Variants in ST3GAL4 observed in about 807,000 individuals in gnomAD.
ST3GAL4 encodes CMP-N-acetylneuraminate-beta-galactosamide-alpha-2,3-sialyltransferase 4.
ST3GAL4 carries 24 observed loss-of-function variants against 42.6 expected under a neutral mutation model. That is an observed-to-expected ratio of 0.56 (90% CI 0.41 to 0.79). ST3GAL4 has a LOEUF of 0.79. Among genes scored for constraint, ST3GAL4 ranks in the 30% least tolerant of loss-of-function variants. The probability of loss-of-function intolerance (pLI) is 0.00; values close to 1 mark genes in which losing one functional copy is unlikely to be tolerated. For missense variants in ST3GAL4, 311 were observed against 430.8 expected (o/e 0.72, Z 2.46); for synonymous variants, 135 against 163.2 (o/e 0.83, Z 1.32).
intron 6 of ST3GAL4, 131 bp from the exon 7 acceptor site, chr11:126,407,968 A>G (rs567476213): frequency 9.7e-7 from 1 of 1,031,376 alleles, no homozygotes; most frequent in Non-Finnish European, 1.4e-6. Context: ...CCACGGGGTG[A>G]TGCCTGCTTC....
chr11:126,375,531 G>C lies in ST3GAL4; in HGVS notation c.-61+19689G>C, dbSNP rs75299683. 3.7e-4 allele frequency among the ~76,000 whole-genome samples: 57 copies of C among 152,246 alleles called. No homozygotes were observed. The East Asian group carries it at 0.01, about 28-fold the overall frequency. ...TTCCAGTGCCAGCTCCGCTCCTCAC[G>C]AGCTGTACAACCTGGGCCGGTTACT... On this transcript the variant is annotated intron_variant, in intron 1 of 10. Transcript: ENST00000444328.
rs1484967409 is a variant in ST3GAL4 at position 126,363,171 on chromosome 11, G to T, written c.-61+7329G>T. ...ATTGTCCTCACAGGCAGTGTGGGCC[G>T]TTTCTCTAGACCTCCTGCCCCCATC... On this transcript the variant is annotated intron_variant, in intron 1 of 10. Transcript: ENST00000444328. The surrounding 1 kb of genome is among the most constrained non-coding windows in gnomAD (Gnocchi z 4.6). Among the ~76,000 whole-genome samples, 1 of 152,194 alleles carries T rather than the reference G, an allele frequency of 6.6e-6. No homozygotes were observed. The highest frequency in any genetic ancestry group is 2.1e-4 in the South Asian group (1 of 4,834).
intron 1 of ST3GAL4, among the ~76,000 whole-genome samples, chr11:126,402,859 C>T (rs569052114): frequency 1.3e-5 from 2 of 152,316 alleles, no homozygotes; most frequent in African/African-American, 4.8e-5. Context: ...TGGTTCCTGG[C>T]AGAGCACCAA....
In ST3GAL4 at chr11:126,391,959, GTGTGTGTGTGTGTA is replaced by G. The variant is rs1467510570; in HGVS notation, c.-60-14127_-60-14114del. On this transcript the variant is annotated intron_variant, in intron 1 of 10. Transcript: ENST00000444328. The surrounding 1 kb of genome is among the most constrained non-coding windows in gnomAD (Gnocchi z 5.5). Reference sequence around the variant, plus strand: ...GTCGTGTGTGTGTGTGTGTGTGTGTGTGTGTGTGTGTGTATGTGTGTGTATGTGTATATATAAAA... The same window carrying G: ...GTCGTGTGTGTGTGTGTGTGTGTGTGTGTGTGTGTATGTGTATATATAAAA... Among the ~76,000 whole-genome samples, 29 of 140,082 alleles carry G rather than the reference GTGTGTGTGTGTGTA, an allele frequency of 2.1e-4. No individual in the cohort carries two copies. The highest frequency in any genetic ancestry group is 6.9e-4 in the African/African-American group (25 of 36,042). The allele number at this position is 140,082 out of a possible 152,430, so 91.9% of individuals were successfully genotyped here.
At chr11:126,365,518 T>TGTGCAGAGGTGG (rs1565393530) in intron 1 of ST3GAL4, among the ~76,000 whole-genome samples, 1 of 152,136 alleles carries the variant, frequency 6.6e-6, no homozygotes. Context: ...CTGGCTTCTG[T>TGTGCAGAGGTGG]GTGCAGAGGT....
chr11:126,365,876 C>T (rs1015025648), intron 1 of ST3GAL4, among the ~76,000 whole-genome samples: 2 of 152,170 alleles, frequency 1.3e-5, no homozygotes, highest in African/African-American at 4.8e-5. Flanking sequence ...AGGAAGTGCC[C>T]TCCATGGGGC....
At chr11:126,372,193 T>G (rs1041348443) in intron 1 of ST3GAL4, among the ~76,000 whole-genome samples, 4 of 152,184 alleles carry the variant, frequency 2.6e-5, no homozygotes, top group Non-Finnish European at 4.4e-5. Context: ...AACTGAAACA[T>G]CCTCCTGCTA....
At position 126,406,815 on chromosome 11, in the gene ST3GAL4, C is replaced by A; in HGVS notation, c.102-128C>A. On this transcript the variant is annotated intron_variant, in intron 3 of 10. Transcript: ENST00000444328. This position sits in a 1 kb window ranked among gnomAD's most constrained non-coding sequence, Gnocchi z 5.4. ...TCAAGGACTTGGGTTCCAAGTGGAA[C>A]TTAACTTGAGATGATTCCTCCCCGG... 2 of 1,023,008 alleles carry A rather than the reference C, an allele frequency of 2.0e-6. No homozygotes were observed. The highest frequency in any genetic ancestry group is 3.0e-6 in the Non-Finnish European group (2 of 676,124). 63.4% of individuals were successfully genotyped at this position (1,023,008 alleles called of 1,614,324 possible). A position where few individuals can be genotyped will look rare whatever the true frequency, so the allele number is the denominator to read the frequency against.
intron 1 of ST3GAL4, among the ~76,000 whole-genome samples, chr11:126,369,940 ATAT>A (rs1307048966): frequency 6.6e-6 from 1 of 152,198 alleles, no homozygotes; most frequent in Non-Finnish European, 1.5e-5. Flanking sequence ...TTACATCTTA[ATAT>A]TATGCTTTGG....
At position 126,398,351 on chromosome 11, in the gene ST3GAL4, A is replaced by G. The variant is rs568245118; in HGVS notation, c.-60-7745A>G. ...AACAATACCAAATCCCAACTTGACAATAATCTTCTTTGACTCCATGTCCTG... is the reference window on the plus strand; with the variant it reads ...AACAATACCAAATCCCAACTTGACAGTAATCTTCTTTGACTCCATGTCCTG... On this transcript the variant is annotated intron_variant, in intron 1 of 10. Coordinates refer to ENST00000444328, the MANE Select transcript of ST3GAL4 (RefSeq NM_001254757.2). This position sits in a 1 kb window ranked among gnomAD's most constrained non-coding sequence, Gnocchi z 4.7. Among the ~76,000 whole-genome samples, 5 of 152,246 alleles carry G rather than the reference A, an allele frequency of 3.3e-5. No homozygotes were observed. Among genetic ancestry groups the G allele is most frequent in the Non-Finnish European group, 5.9e-5 (4 of 68,050 alleles).
At chr11:126,399,598 C>T (rs757313645) in intron 1 of ST3GAL4, among the ~76,000 whole-genome samples, 13 of 152,150 alleles carry the variant, frequency 8.5e-5, no homozygotes, top group South Asian at 2.1e-4. Context: ...TGAGCTACTG[C>T]GCCCAACCCT....
In ST3GAL4 at chr11:126,369,694, CT is replaced by C. The variant is rs553513469; in HGVS notation, c.-61+13860del. 1.6e-4 allele frequency among the ~76,000 whole-genome samples: 24 copies of C among 152,138 alleles called. No individual in the cohort carries two copies. The South Asian group carries it at 3.9e-3, about 25-fold the overall frequency. On this transcript the variant is annotated intron_variant, in intron 1 of 10. Coordinates refer to ENST00000444328, the MANE Select transcript of ST3GAL4 (RefSeq NM_001254757.2). ...TTACATTCCTTATTTTTTCTTCTTCCTTTTTTTTATTTTAATCAAATTATTA... is the reference window on the plus strand; with the variant it reads ...TTACATTCCTTATTTTTTCTTCTTCCTTTTTTTATTTTAATCAAATTATTA...
At chr11:126,403,283 G>C (rs1954089414) in intron 1 of ST3GAL4, 3 of 663,054 alleles carry the variant, frequency 4.5e-6, no homozygotes, top group African/African-American at 4.0e-5. Context: ...ACTTTACTGG[G>C]GAAGAGGTCG....
chr11:126,403,598 C>T, intron 1 of ST3GAL4: 1 of 254,312 alleles, frequency 3.9e-6, no homozygotes, highest in South Asian at 1.5e-4. Flanking sequence ...TTAAGCTCCT[C>T]AGGTCATTGC....
chr11:126,362,253 A>G (rs1396092491), intron 1 of ST3GAL4, among the ~76,000 whole-genome samples: 2 of 140,964 alleles, frequency 1.4e-5, no homozygotes, highest in Non-Finnish European at 3.0e-5. Context: ...GCTGGAGTGC[A>G]GTGGCACAAT....
intron 1 of ST3GAL4, among the ~76,000 whole-genome samples, chr11:126,370,677 CTTT>C (rs763709200): frequency 6.9e-6 from 1 of 144,184 alleles, no homozygotes; most frequent in African/African-American, 2.5e-5. Context: ...ATCTCCATTC[CTTT>C]TTTTTTTTTT....
intron 9 of ST3GAL4, 93 bp from the exon 10 acceptor site, chr11:126,413,412 G>A (rs572886673): frequency 6.6e-4 from 991 of 1,497,820 alleles, no homozygotes; most frequent in Non-Finnish European, 7.6e-4. Flanking sequence ...GAACGTTTCC[G>A]TGACTGCAGG....
At chr11:126,372,422 T>TC (rs1200204494) in intron 1 of ST3GAL4, among the ~76,000 whole-genome samples, 1 of 151,934 alleles carries the variant, frequency 6.6e-6, no homozygotes, top group African/African-American at 2.4e-5. Context: ...TCTTTTCTTT[T>TC]TTTTTTTTTC....
rs528426525 is a variant in ST3GAL4, at chr11:126,359,586, A to G, written c.-61+3744A>G. ...CGTGAAGGGGTTTGCTCAAGGCCAC[A>G]GTGTATTAGTGTCAAAGGTGGAACA... On this transcript the variant is annotated intron_variant, in intron 1 of 10. Transcript: ENST00000444328. The surrounding 1 kb of genome is among the most constrained non-coding windows in gnomAD (Gnocchi z 4.8). Among the ~76,000 whole-genome samples, 12 of 152,334 alleles carry G rather than the reference A, an allele frequency of 7.9e-5. No homozygotes were observed. Among genetic ancestry groups the G allele is most frequent in the South Asian group, 2.1e-4 (1 of 4,828 alleles).
Sources: allele counts gnomAD v4.1 joint callset (sites outside exome capture counted in the v4.1 genomes callset), GRCh38; gene constraint gnomAD v4.1.1; non-coding constraint Gnocchi (gnomAD v3.1); transcripts MANE v1.5; gene names NCBI Gene and HGNC (gene_info 2026-07-23, HGNC 2026-07-21).